Variants in HCRT observed in about 807,000 individuals in gnomAD.
The protein encoded by HCRT is hypocretin (orexin) neuropeptide.
A neutral mutation model predicts 5.7 loss-of-function variants in HCRT; 5 were observed. The ratio of observed to expected loss-of-function variants is 0.87; its 90% CI spans 0.45 to 1.83. The LOEUF is 1.83. Among genes scored for constraint, HCRT ranks in the 40% most tolerant of loss-of-function variants. HCRT has a pLI of 0.02. For synonymous variants in HCRT, 114 were observed against 99.0 expected (o/e 1.15, Z -0.90); for missense variants, 207 against 191.8 (o/e 1.08, Z -0.47).
intron 1 of HCRT, 129 bp from the exon 2 acceptor site, chr17:42,184,657 G>T: frequency 7.4e-7 from 1 of 1,342,788 alleles, no homozygotes; most frequent in South Asian, 1.6e-5. Flanking sequence ...CTGTCACTTA[G>T]TTCTCCTTGC....
In HCRT at chr17:42,184,337, G is replaced by A; in HGVS notation, c.213C>T (p.Ser71=). The part of the protein sequence containing the change: ...AGILTLGKRR[S]GPPGLQGRLQ... ...GCCGACCCTGGAGGCCCGGGGGCCC[G>A]GACCTCCGCTTGCCCAGCGTGAGGA... The change falls in exon 2 of 2, where the codon TCC becomes TCT. Residue 71 remains serine, a synonymous_variant. Transcript: ENST00000293330. 1 of 1,567,296 alleles carries A rather than the reference G, an allele frequency of 6.4e-7. No individual in the cohort carries two copies. Among genetic ancestry groups the A allele is most frequent in the Non-Finnish European group, 8.6e-7 (1 of 1,162,604 alleles).
rs1178095975 is a variant in HCRT at position 42,184,414 on chromosome 17, A to T, written c.136T>A (p.Ser46Thr). ...TGCAGCAGCTCGTAGAGGCGGCAAG[A>T]GCAAGTCTTTTGACGACAGCAGTCG... ...LPDCCRQKTC[S>T]CRLYELLHGA... The change falls in exon 2 of 2, where the codon TCT becomes ACT. Residue 46 changes from serine (S) to threonine (T), a missense_variant. Physicochemically the swap from Ser to Thr is moderately conservative, Grantham distance 58 (BLOSUM62 1). Coordinates refer to ENST00000293330, the MANE Select transcript of HCRT (RefSeq NM_001524.1). 6.2e-7 allele frequency: 1 copy of T among 1,602,052 alleles called. No homozygotes were observed. Among genetic ancestry groups the T allele is most frequent in the Non-Finnish European group, 8.5e-7 (1 of 1,177,928 alleles).
intron 1 of HCRT, 41 bp downstream of exon 1, chr17:42,185,304 C>T (rs2079927006): frequency 6.2e-7 from 1 of 1,600,170 alleles, no homozygotes; most frequent in Non-Finnish European, 8.6e-7. Context: ...CTTTTTGCTT[C>T]TCTGGGATGG....
chr17:42,185,295 T>C, intron 1 of HCRT, 50 bp downstream of exon 1: 3 of 1,581,624 alleles, frequency 1.9e-6, no homozygotes, highest in East Asian at 2.2e-5. Flanking sequence ...GCAAGCACTC[T>C]TTTTGCTTCT....
rs769028179 is a variant in HCRT at position 42,184,366 on chromosome 17, C to G, written c.184G>C (p.Gly62Arg). 19 of 1,593,876 alleles carry G rather than the reference C, an allele frequency of 1.2e-5. No individual in the cohort carries two copies. The highest frequency in any genetic ancestry group is 1.4e-5 in the Non-Finnish European group (16 of 1,174,802). Residue 62 changes from glycine (G) to arginine (R), a missense_variant, in exon 2 of 2, where the codon GGC becomes CGC. By Grantham distance (125) the Gly-to-Arg change is moderately radical. Transcript: ENST00000293330. ...CTCCGCTTGCCCAGCGTGAGGATGC[C>G]GGCCGCGTGATTGCCCGCGCCGTGC... ...LLHGAGNHAA[G>R]ILTLGKRRSG...
At position 42,184,081 on chromosome 17, in the gene HCRT, C is replaced by T; in HGVS notation, c.*73G>A. ...CACGAATGGAGACTCGTCTTTATTG[C>T]CTTTTTTCTGGGGGCTGACGCTGGG... On this transcript the variant is annotated 3_prime_UTR_variant, in exon 2 of 2. Coordinates refer to ENST00000293330, the MANE Select transcript of HCRT (RefSeq NM_001524.1). 1 of 1,233,786 alleles carries T rather than the reference C, an allele frequency of 8.1e-7. No homozygotes were observed. The highest frequency in any genetic ancestry group is 4.3e-5 in the Admixed American group (1 of 23,170). The allele number at this position is 1,233,786 out of a possible 1,614,324, so 76.4% of individuals were successfully genotyped here. A position where few individuals can be genotyped will look rare whatever the true frequency, so the allele number is the denominator to read the frequency against.
In HCRT at chr17:42,184,082, C is replaced by CT. The variant is rs2079921355; in HGVS notation, c.*71dup. 1 of 1,233,298 alleles carries CT rather than the reference C, an allele frequency of 8.1e-7. No homozygotes were observed. Among genetic ancestry groups the CT allele is most frequent in the Non-Finnish European group, 1.0e-6 (1 of 985,220 alleles). The allele number at this position is 1,233,298 out of a possible 1,614,324, so 76.4% of individuals were successfully genotyped here. A position where few individuals can be genotyped will look rare whatever the true frequency, so the allele number is the denominator to read the frequency against. ...ACGAATGGAGACTCGTCTTTATTGC[C>CT]TTTTTTCTGGGGGCTGACGCTGGGT... On this transcript the variant is annotated 3_prime_UTR_variant, in exon 2 of 2. Transcript: ENST00000293330.
intron 1 of HCRT, among the ~76,000 whole-genome samples, 174 bp from the exon 2 acceptor site, chr17:42,184,702 G>T (rs1475916460): frequency 6.6e-6 from 1 of 152,134 alleles, no homozygotes; most frequent in Non-Finnish European, 1.5e-5. Flanking sequence ...TACTTTCCCT[G>T]CTCCTCCTTC....
Position 42,184,360 on chromosome 17 carries a change from G to A in HCRT, c.190C>T (p.Leu64Phe). ...HGAGNHAAGI[L>F]TLGKRRSGPP... ...CCGGACCTCCGCTTGCCCAGCGTGAGGATGCCGGCCGCGTGATTGCCCGCG... is the reference window on the plus strand; with the variant it reads ...CCGGACCTCCGCTTGCCCAGCGTGAAGATGCCGGCCGCGTGATTGCCCGCG... Residue 64 changes from leucine (L) to phenylalanine (F), a missense_variant, in exon 2 of 2, where the codon CTC (leucine) becomes TTC (phenylalanine). By Grantham distance (22) the Leu-to-Phe change is conservative. Transcript: ENST00000293330. 2 of 1,591,858 alleles carry A rather than the reference G, an allele frequency of 1.3e-6. No homozygotes were observed. Among genetic ancestry groups the A allele is most frequent in the Non-Finnish European group, 1.7e-6 (2 of 1,173,910 alleles).
In HCRT at chr17:42,184,440, G is replaced by A; in HGVS notation, c.110C>T (p.Pro37Leu). Residue 37 changes from proline to leucine, a missense_variant, in exon 2 of 2, where the codon CCC (proline) becomes CTC (leucine). By Grantham distance (98) the Pro-to-Leu change is moderately conservative. Coordinates refer to ENST00000293330, the MANE Select transcript of HCRT (RefSeq NM_001524.1). ...GCAAGTCTTTTGACGACAGCAGTCG[G>A]GCAGGGGCTGTGCAGCCGCCCCGGA... ...LSSGAAAQPL[P>L]DCCRQKTCSC... is the part of the protein sequence containing the mutation. 6.3e-7 allele frequency: 1 copy of A among 1,598,152 alleles called. No individual in the cohort carries two copies. Among genetic ancestry groups the A allele is most frequent in the Non-Finnish European group, 8.5e-7 (1 of 1,176,794 alleles).
rs41513044 is a variant in HCRT at position 42,185,436 on chromosome 17, T to G, written c.-71A>C. The G allele has an allele frequency of 3.4e-3, 5,046 of 1,490,062 alleles. 136 individuals are homozygous for G. In the African/African-American group the frequency reaches 0.058, roughly 17 times the overall value. The allele number at this position is 1,490,062 out of a possible 1,614,324, so 92.3% of individuals were successfully genotyped here. ...TGGTGGTTCAAAAAGCCAGGAACCT[T>G]GAGGCTGTCAATTGTGACCCACTCC... On this transcript the variant is annotated 5_prime_UTR_variant, in exon 1 of 2. Coordinates refer to ENST00000293330, the MANE Select transcript of HCRT (RefSeq NM_001524.1).
rs2079923272 is a variant in HCRT, at chr17:42,184,385, G to T, written c.165C>A (p.Gly55=). 2 of 1,598,994 alleles carry T rather than the reference G, an allele frequency of 1.3e-6. No homozygotes were observed. Among genetic ancestry groups the T allele is most frequent in the Non-Finnish European group, 8.5e-7 (1 of 1,176,794 alleles). ...GGATGCCGGCCGCGTGATTGCCCGC[G>T]CCGTGCAGCAGCTCGTAGAGGCGGC... ...CSCRLYELLH[G]AGNHAAGILT... Residue 55 remains glycine (G), a synonymous_variant, in exon 2 of 2, where the codon GGC becomes GGA. Transcript: ENST00000293330.
Position 42,184,458 on chromosome 17 carries a change from G to T in HCRT, c.92C>A (p.Ala31Glu). 6.3e-7 allele frequency: 1 copy of T among 1,592,190 alleles called. No homozygotes were observed. Among genetic ancestry groups the T allele is most frequent in the Non-Finnish European group, 8.5e-7 (1 of 1,174,536 alleles). The stretch of plus-strand genomic sequence containing the variant: ...GCAGTCGGGCAGGGGCTGTGCAGCC[G>T]CCCCGGACGACAACAGCGCGGGCGG... ...LLPPALLSSG[A>E]AAQPLPDCCR... The change falls in exon 2 of 2, where the codon GCG (alanine) becomes GAG (glutamate). Residue 31 changes from alanine to glutamate, a missense_variant. Coordinates refer to ENST00000293330, the MANE Select transcript of HCRT (RefSeq NM_001524.1).
chr17:42,184,502 C>T lies in HCRT; in HGVS notation c.48G>A (p.Leu16=), dbSNP rs759952764. The stretch of plus-strand genomic sequence containing the variant: ...CGGGCGGCAGCAGCAGCAGCAGCAG[C>T]AGTAGCGTCACGGCGGCCCAGGAGA... ...TKVSWAAVTL[L]LLLLLLPPAL... is the part of the protein sequence containing the mutation. Residue 16 remains leucine, a synonymous_variant, in exon 2 of 2, where the codon CTG becomes CTA. Transcript: ENST00000293330. 19 of 1,559,704 alleles carry T rather than the reference C, an allele frequency of 1.2e-5. No homozygotes were observed. Among genetic ancestry groups the T allele is most frequent in the East Asian group, 9.4e-5 (4 of 42,348 alleles).
At chr17:42,185,226 G>C in intron 1 of HCRT, 119 bp downstream of exon 1, 1 of 956,114 alleles carries the variant, frequency 1.0e-6, no homozygotes, top group Non-Finnish European at 1.7e-6. Flanking sequence ...CTGCCTCAGA[G>C]CACACCCAGG....
At position 42,184,261 on chromosome 17, in the gene HCRT, T is replaced by A; in HGVS notation, c.289A>T (p.Met97Leu). 1.4e-6 allele frequency: 2 copies of A among 1,393,200 alleles called. No homozygotes were observed. Among genetic ancestry groups the A allele is most frequent in the Non-Finnish European group, 1.9e-6 (2 of 1,078,302 alleles). 86.3% of individuals were successfully genotyped at this position (1,393,200 alleles called of 1,614,324 possible). A position where few individuals can be genotyped will look rare whatever the true frequency, so the allele number is the denominator to read the frequency against. The change falls in exon 2 of 2, where the codon ATG becomes TTG. Residue 97 changes from methionine (M) to leucine (L), a missense_variant. Transcript: ENST00000293330. ...SGNHAAGILT[M>L]GRRAGAEPAP... is the part of the protein sequence containing the mutation. ...GGCTCTGCGCCTGCGCGGCGGCCCA[T>A]GGTCAGGATGCCCGCGGCGTGGTTG...
chr17:42,184,975 G>C (rs1170768954), intron 1 of HCRT, among the ~76,000 whole-genome samples: 1 of 152,206 alleles, frequency 6.6e-6, no homozygotes, highest in Non-Finnish European at 1.5e-5. Flanking sequence ...TCTCTCATCT[G>C]CCTGCCCCCT....
In HCRT at chr17:42,184,539, G is replaced by A. The variant is rs372705829; in HGVS notation, c.22-11C>T. 1,950 of 1,518,320 alleles carry A rather than the reference G, an allele frequency of 1.3e-3. 4 individuals are homozygous for A. The highest frequency in any genetic ancestry group is 1.6e-3 in the Non-Finnish European group (1,767 of 1,137,190). 94.1% of individuals were successfully genotyped at this position (1,518,320 alleles called of 1,614,324 possible). On this transcript the variant is annotated splice_polypyrimidine_tract_variant and intron_variant, in intron 1 of 1. Transcript: ENST00000293330. Reference sequence around the variant, plus strand: ...GGCGGCCCAGGAGACCTAGGGAGACGGAGACAGGGCGCTGGGGGGGTCTTC... The same window carrying A: ...GGCGGCCCAGGAGACCTAGGGAGACAGAGACAGGGCGCTGGGGGGGTCTTC...
Position 42,184,359 on chromosome 17 carries a change from A to G in HCRT, c.191T>C (p.Leu64Pro). The change falls in exon 2 of 2, where the codon CTC becomes CCC. Residue 64 changes from leucine (L) to proline (P), a missense_variant. Transcript: ENST00000293330. The part of the protein sequence containing the change: ...HGAGNHAAGI[L>P]TLGKRRSGPP... ...CCCGGACCTCCGCTTGCCCAGCGTG[A>G]GGATGCCGGCCGCGTGATTGCCCGC... The G allele has an allele frequency of 6.3e-7, 1 of 1,591,036 alleles. No individual in the cohort carries two copies. Among genetic ancestry groups the G allele is most frequent in the Non-Finnish European group, 8.5e-7 (1 of 1,173,550 alleles).
Sources: gnomAD v4.1 joint callset for allele counts (sites outside exome capture counted in the v4.1 genomes callset) on GRCh38, gnomAD v4.1.1 for gene constraint, MANE v1.5 for transcripts, NCBI Gene and HGNC (gene_info 2026-07-23, HGNC 2026-07-21) for gene names.